The following AKAP6 variants were observed in gnomAD, a reference collection of about 807,000 sequenced individuals.
The protein encoded by AKAP6 is A-kinase anchoring protein 6, also known as A-kinase anchor protein 6.
In AKAP6, 58 loss-of-function variants were observed where a neutral mutation model predicts 188.5. That is an observed-to-expected ratio of 0.31 (90% CI 0.25 to 0.38). AKAP6 has a LOEUF of 0.38. Among genes scored for constraint, AKAP6 ranks in the 10% least tolerant of loss-of-function variants. The probability of loss-of-function intolerance (pLI) is 1.00; values close to 1 mark genes in which losing one functional copy is unlikely to be tolerated. For synonymous variants in AKAP6, 989 were observed against 998.6 expected (o/e 0.99, Z 0.18); for missense variants, 2,710 against 2,740.0 (o/e 0.99, Z 0.24).
intron 7 of AKAP6, among the ~76,000 whole-genome samples, chr14:32,628,757 AT>A (rs893965905): frequency 1.3e-4 from 19 of 151,390 alleles, no homozygotes; most frequent in East Asian, 3.9e-4. Context: ...AAAACACCAG[AT>A]TTTTTTTTCT....
chr14:32,398,449 T>G (rs1888950115), intron 1 of AKAP6, among the ~76,000 whole-genome samples: 1 of 152,204 alleles, frequency 6.6e-6, no homozygotes, highest in South Asian at 2.1e-4. Flanking sequence ...ATGCTGGAAA[T>G]GCAGAGAGGA....
intron 1 of AKAP6, among the ~76,000 whole-genome samples, chr14:32,349,599 C>T (rs930584850): frequency 6.6e-6 from 1 of 152,082 alleles, no homozygotes; most frequent in African/African-American, 2.4e-5. Flanking sequence ...TACAAATGTG[C>T]ATAAAAATAA....
At position 32,822,768 on chromosome 14, in the gene AKAP6, G is replaced by A. The variant is rs763532229; in HGVS notation, c.4955G>A (p.Arg1652Gln). ...IQSPSEQKIK[R>Q]SVSDITLQSS... Reference sequence around the variant, plus strand: ...AGCCCCTCAGAGCAAAAGATAAAACGAAGTGTTTCTGATATCACTCTTCAA... The same window carrying A: ...AGCCCCTCAGAGCAAAAGATAAAACAAAGTGTTTCTGATATCACTCTTCAA... Residue 1652 changes from arginine to glutamine, a missense_variant, in exon 13 of 14, where the codon CGA becomes CAA. Arg to Gln is a conservative substitution (Grantham distance 43). This residue lies in a region of AKAP6 where 2,473 missense variants were observed against 2,426.1 expected (regional missense o/e 1.02). Transcript: ENST00000280979. 9.3e-6 allele frequency: 15 copies of A among 1,613,888 alleles called. No individual in the cohort carries two copies. Among genetic ancestry groups the A allele is most frequent in the East Asian group, 2.2e-5 (1 of 44,872 alleles).
At chr14:32,581,383 T>C (rs989981804) in intron 5 of AKAP6, among the ~76,000 whole-genome samples, 65 of 152,314 alleles carry the variant, frequency 4.3e-4, no homozygotes, top group Middle Eastern at 3.4e-3. Context: ...TTCTGTTCTT[T>C]TACATTTGCT....
intron 1 of AKAP6, among the ~76,000 whole-genome samples, chr14:32,337,245 T>C (rs1427424879): frequency 1.3e-5 from 2 of 152,154 alleles, no homozygotes; most frequent in Non-Finnish European, 2.9e-5. Context: ...TATTGGTACA[T>C]TTCATTTTAA....
At position 32,584,463 on chromosome 14, in the gene AKAP6, A is replaced by G. The variant is rs75484937; in HGVS notation, c.2469+7221A>G. On this transcript the variant is annotated intron_variant, in intron 5 of 13. Transcript: ENST00000280979. ...TTTCAGACCATGGTTAACCACAGGT[A>G]ACTGAAACTGAAGATGCAAAACCAT... is the stretch of plus-strand genomic sequence containing the variant. Among the ~76,000 whole-genome samples, 1,471 of 152,328 alleles carry G rather than the reference A, an allele frequency of 9.7e-3. 22 individuals are homozygous for G. Among genetic ancestry groups the G allele is most frequent in the African/African-American group, 0.034 (1,402 of 41,566 alleles).
At chr14:32,688,717 G>GT in intron 8 of AKAP6, among the ~76,000 whole-genome samples, 1 of 152,126 alleles carries the variant, frequency 6.6e-6, no homozygotes, top group Admixed American at 6.6e-5. Context: ...CCCCAAAGCA[G>GT]TTTTTTGGTG....
At chr14:32,639,982 C>T (rs1473968858) in intron 7 of AKAP6, among the ~76,000 whole-genome samples, 2 of 151,952 alleles carry the variant, frequency 1.3e-5, no homozygotes, top group African/African-American at 4.8e-5. Flanking sequence ...CAAGTAAACT[C>T]CATTTTTGTT....
At chr14:32,769,769 CT>C (rs934606390) in intron 11 of AKAP6, among the ~76,000 whole-genome samples, 1 of 151,900 alleles carries the variant, frequency 6.6e-6, no homozygotes, top group African/African-American at 2.4e-5. Flanking sequence ...TCTCATCTCT[CT>C]TTTTTTCTGA....
chr14:32,800,067 A>G (rs544133973), intron 12 of AKAP6, among the ~76,000 whole-genome samples: 1 of 142,038 alleles, frequency 7.0e-6, no homozygotes, highest in African/African-American at 2.6e-5. Context: ...CTCTCTATAT[A>G]TATAGAAATA....
At chr14:32,510,425 C>CATATATATATGTAT (rs1881156648) in intron 2 of AKAP6, among the ~76,000 whole-genome samples, 1 of 51,622 alleles carries the variant, frequency 1.9e-5, no homozygotes, top group Non-Finnish European at 3.8e-5. Flanking sequence ...TATATATATA[C>CATATATATATGTAT]ATATATATAT....
At chr14:32,465,966 A>G (rs1878396642) in intron 2 of AKAP6, among the ~76,000 whole-genome samples, 1 of 152,236 alleles carries the variant, frequency 6.6e-6, no homozygotes, top group African/African-American at 2.4e-5. Flanking sequence ...GCCAACAAAC[A>G]TATGAAAAAA....
intron 7 of AKAP6, among the ~76,000 whole-genome samples, chr14:32,674,795 A>C (rs1189032404): frequency 1.3e-5 from 2 of 152,182 alleles, no homozygotes; most frequent in East Asian, 3.9e-4. Context: ...GTTACTACTT[A>C]GTTGGCATTT....
rs57844406 is a variant in AKAP6, at chr14:32,732,776, A to ATT, written c.3147+187_3147+188dup. ...AGACACTGCTTTTCCTCTTCTGTTG[A>ATT]TTTTTTTTTTTTCTGAGCTTGTCCC... is the stretch of plus-strand genomic sequence containing the variant. On this transcript the variant is annotated intron_variant, in intron 10 of 13. Transcript: ENST00000280979. The ATT allele has an allele frequency of 1.2e-3, 726 of 586,870 alleles. No homozygotes were observed. The East Asian group carries it at 0.013, about 11-fold the overall frequency. The allele number at this position is 586,870 out of a possible 1,614,324, so 36.4% of individuals were successfully genotyped here.
At chr14:32,667,325 C>T (rs923408143) in intron 7 of AKAP6, among the ~76,000 whole-genome samples, 3 of 151,896 alleles carry the variant, frequency 2.0e-5, no homozygotes, top group African/African-American at 7.3e-5. Flanking sequence ...CTTTTTGGAA[C>T]ACTAAGAGTA....
At chr14:32,719,941 C>G (rs1387649574) in intron 9 of AKAP6, among the ~76,000 whole-genome samples, 1 of 152,120 alleles carries the variant, frequency 6.6e-6, no homozygotes, top group Non-Finnish European at 1.5e-5. Context: ...CTTGGTGCCT[C>G]CTAATGCTAA....
chr14:32,678,559 C>T (rs2273417), intron 8 of AKAP6, 100 bp downstream of exon 8: 47 of 1,378,834 alleles, frequency 3.4e-5, no homozygotes, highest in Non-Finnish European at 4.1e-5. Context: ...TTTAGCAAAC[C>T]GACAAGGAGA....
At chr14:32,603,084 G>T (rs532623638) in intron 7 of AKAP6, among the ~76,000 whole-genome samples, 1 of 152,322 alleles carries the variant, frequency 6.6e-6, no homozygotes, top group African/African-American at 2.4e-5. Context: ...CTAGATTAGG[G>T]TATCAGGGAG....
chr14:32,836,966 G>T lies in AKAP6; in HGVS notation c.*7161G>T, dbSNP rs910801988. 2.0e-5 allele frequency: 3 copies of T among 152,202 alleles called. No individual in the cohort carries two copies. Among genetic ancestry groups the T allele is most frequent in the African/African-American group, 7.2e-5 (3 of 41,434 alleles). The allele number at this position is 152,202 out of a possible 1,614,324, so 9.4% of individuals were successfully genotyped here. ...TGTTGGAAAAATAGCCAGTCCTGATGACTTGGTCGAGGTAACTTGCTTTGC... is the reference window on the plus strand; with the variant it reads ...TGTTGGAAAAATAGCCAGTCCTGATTACTTGGTCGAGGTAACTTGCTTTGC... On this transcript the variant is annotated 3_prime_UTR_variant, in exon 14 of 14. Coordinates refer to ENST00000280979, the MANE Select transcript of AKAP6 (RefSeq NM_004274.5).
Sources: allele counts gnomAD v4.1 joint callset (sites outside exome capture counted in the v4.1 genomes callset), GRCh38; gene constraint gnomAD v4.1.1; regional missense constraint gnomAD v4.1.1; transcripts MANE v1.5; gene names NCBI Gene and HGNC (gene_info 2026-07-23, HGNC 2026-07-21).